DLGAP2: variants seen among roughly 807,000 people sequenced by gnomAD.
DLGAP2 encodes disks large-associated protein 2.
DLGAP2 carries 26 observed loss-of-function variants against 100.3 expected under a neutral mutation model. The ratio of observed to expected loss-of-function variants is 0.26; its 90% CI spans 0.19 to 0.36. The LOEUF is 0.36. DLGAP2 is among the 10% of genes least tolerant of loss of function. The pLI, the probability that DLGAP2 is intolerant of heterozygous loss-of-function variation, is 1.00. For missense variants in DLGAP2, 1,858 were observed against 1,453.2 expected (o/e 1.28, Z -4.53); for synonymous variants, 886 against 630.1 (o/e 1.41, Z -6.08).
At chr8:1,292,133 C>T (rs965363111) in intron 3 of DLGAP2, among the ~76,000 whole-genome samples, 1 of 152,176 alleles carries the variant, frequency 6.6e-6, no homozygotes, top group Non-Finnish European at 1.5e-5. Context: ...ACAGCAAAAA[C>T]CCTGGACACC....
chr8:833,386 G>C (rs1796816084), intron 1 of DLGAP2, among the ~76,000 whole-genome samples: 1 of 152,180 alleles, frequency 6.6e-6, no homozygotes, highest in South Asian at 2.1e-4. Context: ...TAAAATCCGG[G>C]TGTCAGCCAG....
intron 3 of DLGAP2, among the ~76,000 whole-genome samples, chr8:1,460,281 C>T (rs1484359712): frequency 6.6e-6 from 1 of 152,208 alleles, no homozygotes; most frequent in Non-Finnish European, 1.5e-5. Flanking sequence ...GGCTTATGAT[C>T]GAACTTGTGT....
intron 3 of DLGAP2, among the ~76,000 whole-genome samples, chr8:1,349,589 T>C (rs1801657650): frequency 7.5e-6 from 1 of 133,346 alleles, no homozygotes; most frequent in Non-Finnish European, 1.6e-5. Flanking sequence ...AGGGAGACTA[T>C]CATGAGCCTC....
intron 2 of DLGAP2, among the ~76,000 whole-genome samples, chr8:1,243,187 A>T (rs1214781112): frequency 6.6e-6 from 1 of 152,212 alleles, no homozygotes; most frequent in Non-Finnish European, 1.5e-5. Flanking sequence ...TTAAGTGGAC[A>T]CACCAGGGGA....
chr8:1,492,586 G>T (rs569453126), intron 3 of DLGAP2, among the ~76,000 whole-genome samples: 2 of 152,172 alleles, frequency 1.3e-5, no homozygotes, highest in Non-Finnish European at 2.9e-5. Flanking sequence ...GCGCCTGCGC[G>T]GTGACTCCAA....
intron 3 of DLGAP2, among the ~76,000 whole-genome samples, chr8:1,322,111 T>G (rs2117040924): frequency 6.6e-6 from 1 of 152,262 alleles, no homozygotes; most frequent in Non-Finnish European, 1.5e-5. Flanking sequence ...TAAAAAAAAG[T>G]CCCAACTTGA....
intron 10 of DLGAP2, among the ~76,000 whole-genome samples, chr8:1,675,193 TC>T (rs1430760607): frequency 6.6e-6 from 1 of 152,214 alleles, no homozygotes; most frequent in Non-Finnish European, 1.5e-5. Flanking sequence ...CTCTGTCCGT[TC>T]CCCTGGATCC....
chr8:1,124,096 A>G (rs926062986), intron 2 of DLGAP2, among the ~76,000 whole-genome samples: 2 of 152,226 alleles, frequency 1.3e-5, no homozygotes, highest in South Asian at 2.1e-4. Context: ...TTTCTCATGC[A>G]TATCGTTTCC....
intron 3 of DLGAP2, among the ~76,000 whole-genome samples, chr8:1,284,626 C>T (rs1799886247): frequency 6.6e-6 from 1 of 152,104 alleles, no homozygotes; most frequent in Non-Finnish European, 1.5e-5. Context: ...GTTGTTTATT[C>T]TTTATTATTA....
intron 3 of DLGAP2, among the ~76,000 whole-genome samples, chr8:1,486,280 A>G (rs781245173): frequency 3.9e-5 from 6 of 152,196 alleles, no homozygotes; most frequent in Non-Finnish European, 7.3e-5. Flanking sequence ...GCAGATGGAA[A>G]GCTGTGCAGT....
At position 1,227,170 on chromosome 8, in the gene DLGAP2, ATATAGT is replaced by A; in HGVS notation, c.74-31680_74-31675del. Among the ~76,000 whole-genome samples the A allele has an allele frequency of 1.5e-5, 2 of 135,222 alleles. 1 individual carries two copies. The highest frequency in any genetic ancestry group is 3.0e-5 in the Non-Finnish European group (2 of 65,622). 88.7% of individuals were successfully genotyped at this position (135,222 alleles called of 152,430 possible). A position where few individuals can be genotyped will look rare whatever the true frequency, so the allele number is the denominator to read the frequency against. On this transcript the variant is annotated intron_variant, in intron 2 of 14. Coordinates refer to ENST00000637795, the MANE Select transcript of DLGAP2 (RefSeq NM_001346810.2). ...AACTGTGAGATATATATATATATAT[ATATAGT>A]ATAGATATATATTATCCATTCATTT...
At chr8:1,160,901 A>G (rs1796876584) in intron 2 of DLGAP2, among the ~76,000 whole-genome samples, 1 of 152,220 alleles carries the variant, frequency 6.6e-6, no homozygotes, top group South Asian at 2.1e-4. Flanking sequence ...GTAACTAAAG[A>G]CTGGCCGTCA....
At chr8:1,286,764 G>T (rs1031050566) in intron 3 of DLGAP2, among the ~76,000 whole-genome samples, 3 of 152,236 alleles carry the variant, frequency 2.0e-5, no homozygotes, top group Non-Finnish European at 2.9e-5. Context: ...CCTCTGTGCT[G>T]TACTGAACTA....
chr8:741,317 G>T (rs1305498213), intron 1 of DLGAP2, among the ~76,000 whole-genome samples: 1 of 152,208 alleles, frequency 6.6e-6, no homozygotes, highest in African/African-American at 2.4e-5. Flanking sequence ...CTTAACAGCA[G>T]TAACAAATTA....
chr8:1,188,349 G>A (rs547269216), intron 2 of DLGAP2, among the ~76,000 whole-genome samples: 24 of 131,642 alleles, frequency 1.8e-4, no homozygotes, highest in African/African-American at 8.0e-4. Flanking sequence ...TCACACACCC[G>A]GGACCTCCGT....
Position 1,410,578 on chromosome 8 carries a change from C to G in DLGAP2, c.107-90788C>G, listed in dbSNP as rs376329982. Among the ~76,000 whole-genome samples the G allele has an allele frequency of 1.8e-4, 27 of 152,346 alleles. No individual in the cohort carries two copies. The South Asian group carries it at 5.6e-3, about 32-fold the overall frequency. ...AGTTAAAGCAAAAGCATCAAGTCAG[C>G]TCCCTTCTCAGAATGAAATACAGTG... On this transcript the variant is annotated intron_variant, in intron 3 of 14. Transcript: ENST00000637795.
intron 2 of DLGAP2, among the ~76,000 whole-genome samples, chr8:1,040,803 G>A (rs921366103): frequency 3.3e-5 from 5 of 152,200 alleles, no homozygotes; most frequent in Non-Finnish European, 7.3e-5. Flanking sequence ...CAGCAGGAGC[G>A]CAGAGTCGTG....
intron 1 of DLGAP2, among the ~76,000 whole-genome samples, chr8:760,882 C>T (rs1311046286): frequency 6.6e-6 from 1 of 152,178 alleles, no homozygotes; most frequent in African/African-American, 2.4e-5. Context: ...CCGAGAGCCA[C>T]CATGCTGCGG....
chr8:737,814 G>A lies in DLGAP2; in HGVS notation c.7G>A (p.Ala3Thr), dbSNP rs112628444. The A allele has an allele frequency of 1.8e-5, 7 of 379,560 alleles. No individual in the cohort carries two copies. Among genetic ancestry groups the A allele is most frequent in the Admixed American group, 4.6e-5 (1 of 21,972 alleles). 23.5% of individuals were successfully genotyped at this position (379,560 alleles called of 1,614,324 possible). The change falls in exon 1 of 15, where the codon GCG becomes ACG. Residue 3 changes from alanine (A) to threonine (T), a missense_variant. Transcript: ENST00000637795. The stretch of plus-strand genomic sequence containing the variant: ...GAGCCCGGAGCGTCCGAGGATGTCC[G>A]CGCTGAGGAAGGTGCGAGCCGCCGG... Reference protein sequence around the residue: MSALRKVLPGILQ... With the variant: MSTLRKVLPGILQ...
Sources: gnomAD v4.1 joint callset for allele counts (sites outside exome capture counted in the v4.1 genomes callset) on GRCh38, gnomAD v4.1.1 for gene constraint, MANE v1.5 for transcripts, NCBI Gene and HGNC (gene_info 2026-07-23, HGNC 2026-07-21) for gene names.